Variants in C8orf34 observed in about 807,000 individuals in gnomAD.
C8orf34 encodes uncharacterized protein C8orf34.
In C8orf34, 65 loss-of-function variants were observed where a neutral mutation model predicts 68.3. That is an observed-to-expected ratio of 0.95 (90% confidence interval 0.78 to 1.17). The LOEUF is 1.17. Among genes scored for constraint, C8orf34 ranks in the 50% most tolerant of loss-of-function variants. The pLI, the probability that C8orf34 is intolerant of heterozygous loss-of-function variation, is 0.00. For missense variants in C8orf34, 664 were observed against 655.4 expected, an observed-to-expected ratio of 1.01 and a Z score of -0.14; for synonymous variants, 244 against 241.2, an observed-to-expected ratio of 1.01 and a Z score of -0.11.
chr8:68,396,842 G>A (rs896657955), intron 1 of C8orf34, among the ~76,000 whole-genome samples: 1 of 151,210 alleles, frequency 6.6e-6, no homozygotes, highest in Non-Finnish European at 1.5e-5. Context: ...GCAGCTTGAG[G>A]CCTTCATGAG....
chr8:68,538,399 A>G (rs1815568102), intron 7 of C8orf34, among the ~76,000 whole-genome samples: 1 of 152,024 alleles, frequency 6.6e-6, no homozygotes, highest in South Asian at 2.1e-4. Context: ...GCTGGTGACT[A>G]CATATGACCT....
intron 8 of C8orf34, among the ~76,000 whole-genome samples, chr8:68,676,808 C>T (rs969035758): frequency 6.6e-6 from 1 of 152,184 alleles, no homozygotes; most frequent in Non-Finnish European, 1.5e-5. Context: ...CTCACAGTTC[C>T]ACGTGGCTGA....
chr8:68,784,806 G>GTGTGTGTGTA (rs58219578), intron 11 of C8orf34, among the ~76,000 whole-genome samples: 58,837 of 148,832 alleles, frequency 0.4, 12,194 homozygotes, highest in African/African-American at 0.53. Context: ...GTGTGTATGT[G>GTGTGTGTGTA]TGTGTGTGTG....
intron 1 of C8orf34, among the ~76,000 whole-genome samples, chr8:68,376,984 CGGATGCA>C (rs1371129338): frequency 6.6e-6 from 1 of 152,032 alleles, no homozygotes; most frequent in Non-Finnish European, 1.5e-5. Flanking sequence ...AGTGGAGCAA[CGGATGCA>C]GGAAATACAC....
In C8orf34 at chr8:68,731,682, A is replaced by G. The variant is rs78564955; in HGVS notation, c.1404+10245A>G. ...AAACGCAATAAGCATATTCTTACAT[A>G]AAACTATCTATTAGTCTAATTCTAA... On this transcript the variant is annotated intron_variant, in intron 10 of 13. Coordinates refer to ENST00000518698, the MANE Select transcript of C8orf34 (RefSeq NM_052958.4). Among the ~76,000 whole-genome samples, 285 of 152,372 alleles carry G rather than the reference A, an allele frequency of 1.9e-3. 7 individuals are homozygous for G. In the East Asian group the frequency reaches 0.051, roughly 27 times the overall value.
intron 10 of C8orf34, among the ~76,000 whole-genome samples, chr8:68,725,946 T>A (rs1380703158): frequency 6.6e-6 from 1 of 152,200 alleles, no homozygotes; most frequent in Admixed American, 6.5e-5. Flanking sequence ...TCTCACTCTG[T>A]CACCCAAGCT....
At chr8:68,658,441 A>T (rs998772828) in intron 8 of C8orf34, among the ~76,000 whole-genome samples, 1 of 151,992 alleles carries the variant, frequency 6.6e-6, no homozygotes, top group Non-Finnish European at 1.5e-5. Flanking sequence ...ATTTCTGCAA[A>T]CTCTTAAGTT....
intron 4 of C8orf34, among the ~76,000 whole-genome samples, chr8:68,469,364 A>C (rs1251776809): frequency 6.6e-6 from 1 of 152,008 alleles, no homozygotes; most frequent in Non-Finnish European, 1.5e-5. Context: ...ATAATAAATC[A>C]GATAAATCAT....
Position 68,682,943 on chromosome 8 carries a change from G to A in C8orf34, c.1242-26051G>A, listed in dbSNP as rs566638546. Among the ~76,000 whole-genome samples, 28 of 152,148 alleles carry A rather than the reference G, an allele frequency of 1.8e-4. 1 individual carries two copies. In the South Asian group the frequency reaches 3.7e-3, roughly 20 times the overall value. Reference sequence around the variant, plus strand: ...ATGTTTCGCGCGGCTGTACTTGGAAGGACACTCCTAGAGATTCCACATCTC... The same window carrying A: ...ATGTTTCGCGCGGCTGTACTTGGAAAGACACTCCTAGAGATTCCACATCTC... On this transcript the variant is annotated intron_variant, in intron 8 of 13. Coordinates refer to ENST00000518698, the MANE Select transcript of C8orf34 (RefSeq NM_052958.4).
At chr8:68,493,363 G>A (rs927810667) in intron 5 of C8orf34, among the ~76,000 whole-genome samples, 2 of 152,012 alleles carry the variant, frequency 1.3e-5, no homozygotes, top group East Asian at 1.9e-4. Flanking sequence ...TGACCAACAA[G>A]CATCTGAAAA....
At chr8:68,476,067 C>A (rs2129630491) in intron 4 of C8orf34, among the ~76,000 whole-genome samples, 1 of 152,306 alleles carries the variant, frequency 6.6e-6, no homozygotes, top group African/African-American at 2.4e-5. Flanking sequence ...GAAGTCTTTT[C>A]TGACAAACAG....
chr8:68,574,307 CCTTAG>C (rs1229213020), intron 7 of C8orf34, among the ~76,000 whole-genome samples: 2 of 151,938 alleles, frequency 1.3e-5, no homozygotes, highest in Non-Finnish European at 2.9e-5. Context: ...AGAGATTTTA[CCTTAG>C]CTTATTGTCT....
At chr8:68,648,337 G>A (rs1191406487) in intron 8 of C8orf34, among the ~76,000 whole-genome samples, 1 of 152,188 alleles carries the variant, frequency 6.6e-6, no homozygotes, top group Non-Finnish European at 1.5e-5. Context: ...TTGAAAAATT[G>A]TGAGCATTGC....
chr8:68,467,226 A>T (rs1423495497), intron 3 of C8orf34, among the ~76,000 whole-genome samples: 2 of 151,802 alleles, frequency 1.3e-5, no homozygotes, highest in Non-Finnish European at 2.9e-5. Flanking sequence ...TTAAATATGT[A>T]CTCTACATTG....
chr8:68,812,572 A>T (rs1027839817), intron 12 of C8orf34, among the ~76,000 whole-genome samples: 20 of 152,268 alleles, frequency 1.3e-4, no homozygotes, highest in African/African-American at 4.1e-4. Context: ...ATAAGGCTTT[A>T]TAGTTTATAC....
chr8:68,498,711 A>G (rs1813637047), intron 5 of C8orf34, among the ~76,000 whole-genome samples: 1 of 152,246 alleles, frequency 6.6e-6, no homozygotes, highest in African/African-American at 2.4e-5. Context: ...AATTTAAGTA[A>G]AAATATTATA....
chr8:68,628,049 CAT>C, intron 7 of C8orf34, among the ~76,000 whole-genome samples: 1 of 152,102 alleles, frequency 6.6e-6, no homozygotes, highest in East Asian at 1.9e-4. Flanking sequence ...TTATTGATCT[CAT>C]GTGGTCAAGA....
At chr8:68,588,605 A>G (rs1250350040) in intron 7 of C8orf34, among the ~76,000 whole-genome samples, 2 of 152,156 alleles carry the variant, frequency 1.3e-5, no homozygotes, top group Non-Finnish European at 2.9e-5. Context: ...ATGAGGAAAG[A>G]CCAAAAGAAC....
chr8:68,511,043 C>A, intron 5 of C8orf34, among the ~76,000 whole-genome samples: 1 of 152,210 alleles, frequency 6.6e-6, no homozygotes, highest in East Asian at 1.9e-4. Flanking sequence ...GGGAAGCATA[C>A]TCTTCCAGTC....
Sources: allele counts gnomAD v4.1 joint callset (sites outside exome capture counted in the v4.1 genomes callset), GRCh38; gene constraint gnomAD v4.1.1; transcripts MANE v1.5; gene names NCBI Gene and HGNC (gene_info 2026-07-23, HGNC 2026-07-21).